SCAPER: variants seen among roughly 807,000 people sequenced by gnomAD.
SCAPER encodes S phase cyclin A-associated protein in the endoplasmic reticulum.
SCAPER carries 98 observed loss-of-function variants against 182.2 expected under a neutral mutation model. The ratio of observed to expected loss-of-function variants is 0.54; its 90% CI spans 0.46 to 0.64. The LOEUF is 0.64. Among genes scored for constraint, SCAPER ranks in the 30% least tolerant of loss-of-function variants. The pLI is 0.00. For synonymous variants in SCAPER, 605 were observed against 564.6 expected (o/e 1.07, Z -1.01); for missense variants, 1,432 against 1,690.0 (o/e 0.85, Z 2.68).
At chr15:76,625,001 G>A (rs1280818662) in intron 21 of SCAPER, among the ~76,000 whole-genome samples, 1 of 152,170 alleles carries the variant, frequency 6.6e-6, no homozygotes, top group Non-Finnish European at 1.5e-5. Flanking sequence ...GCTTGCAGGT[G>A]GATGAACCCC....
intron 14 of SCAPER, among the ~76,000 whole-genome samples, chr15:76,763,149 G>C (rs1389432372): frequency 6.6e-6 from 1 of 152,154 alleles, no homozygotes; most frequent in African/African-American, 2.4e-5. Flanking sequence ...GGCAAGCCTA[G>C]TGATGACAAA....
At chr15:76,530,547 T>G (rs1567364371) in intron 23 of SCAPER, among the ~76,000 whole-genome samples, 1 of 152,184 alleles carries the variant, frequency 6.6e-6, no homozygotes. Flanking sequence ...AGAGGCACTA[T>G]GGGAAATTTA....
intron 5 of SCAPER, among the ~76,000 whole-genome samples, chr15:76,823,350 C>T (rs2067732385): frequency 6.6e-6 from 1 of 151,990 alleles, no homozygotes; most frequent in African/African-American, 2.4e-5. Flanking sequence ...ATCCCAGCTA[C>T]TCGGGAGGCT....
chr15:76,765,337 C>T lies in SCAPER; in HGVS notation c.1613G>A (p.Arg538Lys). Residue 538 changes from arginine to lysine, a missense_variant and splice_region_variant, in exon 13 of 32, where the codon AGA (arginine) becomes AAA (lysine). Arg to Lys is a conservative substitution (Grantham distance 26). Transcript: ENST00000563290. ...HEKLSSPSRK[R>K]TIAESKKKHE... ...TCAAATTAATTTTCAAATGCCAGAC[C>T]TTTTACGAGAGGGTGAAGAAAGTTT... 2 of 1,608,688 alleles carry T rather than the reference C, an allele frequency of 1.2e-6. No homozygotes were observed. The highest frequency in any genetic ancestry group is 1.7e-6 in the Non-Finnish European group (2 of 1,176,090).
intron 25 of SCAPER, among the ~76,000 whole-genome samples, chr15:76,443,568 A>G (rs1244740105): frequency 6.6e-6 from 1 of 152,232 alleles, no homozygotes; most frequent in Non-Finnish European, 1.5e-5. Context: ...GACCATCTAC[A>G]TCAATTTACA....
At chr15:76,808,585 T>C (rs2066354950) in intron 5 of SCAPER, among the ~76,000 whole-genome samples, 1 of 152,124 alleles carries the variant, frequency 6.6e-6, no homozygotes, top group African/African-American at 2.4e-5. Context: ...GACTCCCAAT[T>C]TCTCCCTCAA....
rs79461515 is a variant in SCAPER at position 76,812,497 on chromosome 15, A to G, written c.394-7864T>C. The stretch of plus-strand genomic sequence containing the variant: ...AGTGAGACTCTGAAAAAAAAAAAAA[A>G]AAAGAAAGAAAGAAAGAAAGACAGA... On this transcript the variant is annotated intron_variant, in intron 5 of 31. Transcript: ENST00000563290. Among the ~76,000 whole-genome samples, 848 of 122,460 alleles carry G rather than the reference A, an allele frequency of 6.9e-3. 7 individuals are homozygous for G. The highest frequency in any genetic ancestry group is 0.023 in the African/African-American group (788 of 34,006). 80.3% of individuals were successfully genotyped at this position (122,460 alleles called of 152,430 possible).
At chr15:76,837,909 G>A (rs369611210) in intron 5 of SCAPER, among the ~76,000 whole-genome samples, 9 of 152,104 alleles carry the variant, frequency 5.9e-5, no homozygotes, top group Non-Finnish European at 1.3e-4. Flanking sequence ...AACAGATGCC[G>A]GCAAAGTTGT....
chr15:76,474,843 G>C (rs930237205), intron 24 of SCAPER, among the ~76,000 whole-genome samples: 5 of 152,008 alleles, frequency 3.3e-5, no homozygotes, highest in African/African-American at 1.2e-4. Flanking sequence ...ATTTTTTCAT[G>C]GTATGCTGAC....
intron 5 of SCAPER, among the ~76,000 whole-genome samples, chr15:76,833,711 G>A (rs548262595): frequency 1.4e-4 from 22 of 152,104 alleles, no homozygotes; most frequent in African/African-American, 4.1e-4. Flanking sequence ...AGGAGTTGTC[G>A]TTATTTCAGA....
At chr15:76,383,290 G>A (rs2043090724) in intron 27 of SCAPER, among the ~76,000 whole-genome samples, 1 of 152,144 alleles carries the variant, frequency 6.6e-6, no homozygotes, top group Admixed American at 6.5e-5. Context: ...GAGAGGTGCT[G>A]ACTGGCAAAT....
chr15:76,349,956 CT>C (rs1358010723), intron 31 of SCAPER: 2 of 152,170 alleles, frequency 1.3e-5, no homozygotes, highest in Non-Finnish European at 2.9e-5. Flanking sequence ...AATGCTTATA[CT>C]TCTTAGTGGC....
intron 29 of SCAPER, among the ~76,000 whole-genome samples, chr15:76,356,733 A>G (rs1176004097): frequency 6.6e-6 from 1 of 152,204 alleles, no homozygotes; most frequent in Non-Finnish European, 1.5e-5. Context: ...CACAAGGCCA[A>G]CACAAACATA....
In SCAPER at chr15:76,800,360, T is replaced by C; in HGVS notation, c.499A>G (p.Thr167Ala). ...TTCTTTACTTCCCATGCCAATGATG[T>C]TGGTCTGCGAATTCAATATATAAAC... ...LEKTDAQSRPTSLAWEVKKMS... is the reference protein window; with the variant it reads ...LEKTDAQSRPASLAWEVKKMS... The change falls in exon 7 of 32, where the codon ACA becomes GCA. Residue 167 changes from threonine to alanine, a missense_variant. Around this residue, in one of 5 missense-constraint regions of SCAPER, gnomAD observed 480 missense variants for 510.2 expected, o/e 0.94. Coordinates refer to ENST00000563290, the MANE Select transcript of SCAPER (RefSeq NM_020843.4). The C allele has an allele frequency of 6.3e-7, 1 of 1,598,052 alleles. No individual in the cohort carries two copies. Among genetic ancestry groups the C allele is most frequent in the East Asian group, 2.2e-5 (1 of 44,778 alleles).
At chr15:76,700,915 C>T (rs990370759) in intron 20 of SCAPER, among the ~76,000 whole-genome samples, 6 of 151,932 alleles carry the variant, frequency 3.9e-5, no homozygotes, top group Non-Finnish European at 7.4e-5. Flanking sequence ...AATAATGATA[C>T]AAAAATTCAC....
chr15:76,812,308 C>T (rs762029801), intron 5 of SCAPER, among the ~76,000 whole-genome samples: 7 of 150,364 alleles, frequency 4.7e-5, no homozygotes, highest in Admixed American at 2.0e-4. Flanking sequence ...AGCGAGACTC[C>T]GTCTCAAGAA....
intron 2 of SCAPER, among the ~76,000 whole-genome samples, chr15:76,874,369 C>T (rs896917150): frequency 3.3e-5 from 5 of 152,004 alleles, no homozygotes; most frequent in African/African-American, 1.2e-4. Context: ...ACTAAATTAT[C>T]TAAGTCTCTA....
intron 27 of SCAPER, among the ~76,000 whole-genome samples, chr15:76,402,151 A>G (rs1486989346): frequency 6.6e-6 from 1 of 152,164 alleles, no homozygotes; most frequent in East Asian, 1.9e-4. Flanking sequence ...CAAAACAAAC[A>G]AACAAACAAA....
chr15:76,734,886 A>C (rs12912781), intron 15 of SCAPER, among the ~76,000 whole-genome samples: 141,588 of 148,248 alleles, frequency 0.96, 67,775 homozygotes, highest in Non-Finnish European at 0.99. Context: ...CTCTCTCTCT[A>C]TATATATATA....
Sources: allele counts gnomAD v4.1 joint callset (sites outside exome capture counted in the v4.1 genomes callset), GRCh38; gene constraint gnomAD v4.1.1; regional missense constraint gnomAD v4.1.1; transcripts MANE v1.5; gene names NCBI Gene and HGNC (gene_info 2026-07-23, HGNC 2026-07-21).